Variants in ATP5F1A observed in about 807,000 individuals in gnomAD.
The protein encoded by ATP5F1A is ATP synthase F(1) complex subunit alpha, mitochondrial.
In ATP5F1A, 24 loss-of-function variants were observed where a neutral mutation model predicts 57.4. That is an observed-to-expected ratio of 0.42 (90% CI 0.30 to 0.59). The LOEUF is 0.59. Ranked by LOEUF, ATP5F1A falls within the 20% of genes least tolerant of loss-of-function variation. The pLI, the probability that ATP5F1A is intolerant of heterozygous loss-of-function variation, is 0.19. For synonymous variants in ATP5F1A, 251 were observed against 255.5 expected (o/e 0.98, Z 0.17); for missense variants, 494 against 707.9 (o/e 0.70, Z 3.43).
chr18:46,086,323 T>G, intron 9 of ATP5F1A, 64 bp downstream of exon 9: 1 of 813,764 alleles, frequency 1.2e-6, no homozygotes, highest in East Asian at 2.4e-5. Context: ...ATAGTTAATA[T>G]ATTAATACCT....
chr18:46,087,929 G>A lies in ATP5F1A; in HGVS notation c.799+180C>T, dbSNP rs889955670. 4.7e-6 allele frequency: 3 copies of A among 642,662 alleles called. No homozygotes were observed. In the African/African-American group the frequency reaches 5.7e-5, roughly 12 times the overall value. The allele number at this position is 642,662 out of a possible 1,614,324, so 39.8% of individuals were successfully genotyped here. A position where few individuals can be genotyped will look rare whatever the true frequency, so the allele number is the denominator to read the frequency against. ...AGAATCAAACAGCTTCCACTTTAAA[G>A]AAACCAACAAAACCTTTAAATGTAC... On this transcript the variant is annotated intron_variant, in intron 6 of 11. Transcript: ENST00000398752.
chr18:46,092,617 T>TTTTATA (rs1555695865), intron 2 of ATP5F1A, among the ~76,000 whole-genome samples: 9 of 146,398 alleles, frequency 6.1e-5, no homozygotes, highest in African/African-American at 1.8e-4. Context: ...CACACAAAAA[T>TTTTATA]TATATATATA....
At chr18:46,099,164 G>C (rs1237569094), upstream of ATP5F1A, 1 of 152,168 alleles carries the variant, frequency 6.6e-6, no homozygotes, top group Admixed American at 6.5e-5. Flanking sequence ...ACTGAGAATT[G>C]TCCAGAATCA....
At chr18:46,090,393 CTTAT>C (rs1279484791) in intron 3 of ATP5F1A, among the ~76,000 whole-genome samples, 7 of 152,116 alleles carry the variant, frequency 4.6e-5, no homozygotes, top group East Asian at 1.9e-4. Flanking sequence ...TGATTATCAT[CTTAT>C]TTATGTGTGA....
rs545249879 is a variant in ATP5F1A at position 46,082,732 on chromosome 18, G to C, written c.*1550C>G. ...AGGTAACACATTAAGAATGAGCAAA[G>C]GCTATGAAAAATTAAAAGTAAATAA... On this transcript the variant is annotated 3_prime_UTR_variant, in exon 12 of 12. Transcript: ENST00000398752. 6.6e-6 allele frequency: 1 copy of C among 151,896 alleles called. No homozygotes were observed. Among genetic ancestry groups the C allele is most frequent in the Non-Finnish European group, 1.5e-5 (1 of 67,998 alleles). 9.4% of individuals were successfully genotyped at this position (151,896 alleles called of 1,614,324 possible). A position where few individuals can be genotyped will look rare whatever the true frequency, so the allele number is the denominator to read the frequency against.
intron 1 of ATP5F1A, 129 bp from the exon 2 acceptor site, chr18:46,095,260 GT>G: frequency 1.2e-6 from 1 of 813,292 alleles, no homozygotes; most frequent in Non-Finnish European, 1.9e-6. Flanking sequence ...AAAGCATTTT[GT>G]TTAAAATGTC....
rs1273159820 is a variant in ATP5F1A, at chr18:46,080,846, T to C, written c.*3436A>G. ...TTTTTAAATATCACTGTGCCTGGCG[T>C]GGGCCAGGCACAGTGGCTCACGCCT... On this transcript the variant is annotated 3_prime_UTR_variant, in exon 12 of 12. Coordinates refer to ENST00000398752, the MANE Select transcript of ATP5F1A (RefSeq NM_004046.6). 3 of 151,592 alleles carry C rather than the reference T, an allele frequency of 2.0e-5. No homozygotes were observed. The highest frequency in any genetic ancestry group is 4.8e-5 in the African/African-American group (2 of 41,334). 9.4% of individuals were successfully genotyped at this position (151,592 alleles called of 1,614,324 possible). A position where few individuals can be genotyped will look rare whatever the true frequency, so the allele number is the denominator to read the frequency against.
chr18:46,101,211 T>A (rs1276072791), upstream of ATP5F1A, among the ~76,000 whole-genome samples: 48 of 152,132 alleles, frequency 3.2e-4, no homozygotes, highest in Admixed American at 3.1e-3. Context: ...CTGTTTTAGT[T>A]GGGGATGACA....
chr18:46,090,297 T>C (rs1466468988), intron 3 of ATP5F1A, among the ~76,000 whole-genome samples: 1 of 152,204 alleles, frequency 6.6e-6, no homozygotes, highest in Non-Finnish European at 1.5e-5. Context: ...TTTTTTCCAC[T>C]GTATTTTCTT....
At chr18:46,092,923 G>A (rs1910671305) in intron 2 of ATP5F1A, among the ~76,000 whole-genome samples, 1 of 151,626 alleles carries the variant, frequency 6.6e-6, no homozygotes, top group Non-Finnish European at 1.5e-5. Context: ...CAAAGGGGGT[G>A]GATCACTTGA....
At position 46,091,818 on chromosome 18, in the gene ATP5F1A, C is replaced by A; in HGVS notation, c.173G>T (p.Arg58Leu). The A allele has an allele frequency of 1.2e-6, 2 of 1,613,490 alleles. No individual in the cohort carries two copies. Among genetic ancestry groups the A allele is most frequent in the Non-Finnish European group, 1.7e-6 (2 of 1,179,870 alleles). ...AACAGAGGTATCAGCTCCAAGAATA[C>A]GCTCTTCAAGAATAGAGGACATCTC... ...TAEMSSILEE[R>L]ILGADTSVDL... Residue 58 changes from arginine (R) to leucine (L), a missense_variant, in exon 3 of 12, where the codon CGT becomes CTT. Physicochemically the swap from Arg to Leu is moderately radical, Grantham distance 102. Transcript: ENST00000398752.
chr18:46,084,763 A>T, intron 10 of ATP5F1A, 109 bp from the exon 11 acceptor site: 5 of 1,176,878 alleles, frequency 4.2e-6, no homozygotes, highest in Non-Finnish European at 5.8e-6. Context: ...TGTCCCTGTA[A>T]ATTATCTATT....
At chr18:46,094,990 C>T (rs755201202) in intron 2 of ATP5F1A, 63 bp downstream of exon 2, 18 of 1,517,002 alleles carry the variant, frequency 1.2e-5, no homozygotes, top group East Asian at 2.3e-5. Context: ...CACAGTTATA[C>T]GATGTATGTA....
intron 10 of ATP5F1A, chr18:46,085,320 A>G (rs1910001807): frequency 6.7e-6 from 1 of 149,736 alleles, no homozygotes; most frequent in East Asian, 2.0e-4. Context: ...AAAAAAAAAA[A>G]AAAAGAAAGA....
At position 46,087,458 on chromosome 18, in the gene ATP5F1A, C is replaced by G. The variant is rs763102405; in HGVS notation, c.834G>C (p.Thr278=). 39 of 1,614,146 alleles carry G rather than the reference C, an allele frequency of 2.4e-5. No homozygotes were observed. Among genetic ancestry groups the G allele is most frequent in the Non-Finnish European group, 3.1e-5 (37 of 1,180,040 alleles). Residue 278 remains threonine (T), a synonymous_variant, in exon 7 of 12, where the codon ACG becomes ACC. Coordinates refer to ENST00000398752, the MANE Select transcript of ATP5F1A (RefSeq NM_004046.6). ...AMKYTIVVSA[T]ASDAAPLQYL... is the part of the protein sequence containing the mutation. ...ACTGAAGTGGGGCAGCATCCGAGGC[C>G]GTAGCCGACACCACAATGGTGTACT...
Position 46,087,118 on chromosome 18 carries a change from T to C in ATP5F1A, c.1066A>G (p.Asn356Asp), listed in dbSNP as rs1220646198. Residue 356 changes from asparagine (N) to aspartate (D), a missense_variant, in exon 8 of 12, where the codon AAC becomes GAC. By Grantham distance (23) the Asn-to-Asp change is conservative. Around this residue, in one of 6 missense-constraint regions of ATP5F1A, gnomAD observed 15 missense variants for 16.3 expected, o/e 0.92. Transcript: ENST00000398752. ...AAGGAGCCACCACCAAAAGCATCGTTCATTTTGGCTGCTCTCTCCAGCAAC... is the reference window on the plus strand; with the variant it reads ...AAGGAGCCACCACCAAAAGCATCGTCCATTTTGGCTGCTCTCTCCAGCAAC... ...SRLLERAAKM[N>D]DAFGGGSLTA... is the part of the protein sequence containing the mutation. 1 of 1,614,020 alleles carries C rather than the reference T, an allele frequency of 6.2e-7. No individual in the cohort carries two copies. Among genetic ancestry groups the C allele is most frequent in the Admixed American group, 1.7e-5 (1 of 59,986 alleles).
At chr18:46,098,522 A>C, upstream of ATP5F1A, 1 of 626,564 alleles carries the variant, frequency 1.6e-6, no homozygotes, top group Non-Finnish European at 2.0e-6. Context: ...TTTTGAGTCG[A>C]CCTTGTGGTT....
At chr18:46,093,197 T>A (rs182671445) in intron 2 of ATP5F1A, 61 of 152,200 alleles carry the variant, frequency 4.0e-4, no homozygotes, top group African/African-American at 1.4e-3. Flanking sequence ...AAAGTGTGTC[T>A]TTCTCTTTCA....
intron 2 of ATP5F1A, among the ~76,000 whole-genome samples, chr18:46,094,118 GAA>G (rs1910761745): frequency 6.7e-6 from 1 of 148,704 alleles, no homozygotes; most frequent in East Asian, 2.0e-4. Context: ...AAAAAAAAAA[GAA>G]AAAAGAAAAA....
Sources: gnomAD v4.1 joint callset for allele counts (sites outside exome capture counted in the v4.1 genomes callset) on GRCh38, gnomAD v4.1.1 for gene constraint, gnomAD v4.1.1 regional missense constraint, MANE v1.5 for transcripts, NCBI Gene and HGNC (gene_info 2026-07-23, HGNC 2026-07-21) for gene names.